Variants in NXN observed in about 807,000 individuals in gnomAD.
NXN encodes the protein nucleoredoxin, also known as nucleoredoxin 1.
Under a neutral mutation model 48.6 loss-of-function variants are expected in NXN, and 16 were observed. The ratio of observed to expected loss-of-function variants is 0.33; its 90% CI spans 0.22 to 0.50. NXN has a LOEUF of 0.50. Ranked by LOEUF, NXN falls within the 20% of genes least tolerant of loss-of-function variation. The probability of loss-of-function intolerance (pLI) is 0.98; values close to 1 mark genes in which losing one functional copy is unlikely to be tolerated. For missense variants in NXN, 492 were observed against 605.5 expected (o/e 0.81, Z 1.97); for synonymous variants, 281 against 269.6 (o/e 1.04, Z -0.41).
At chr17:860,719 G>A (rs2068032320) in intron 1 of NXN, among the ~76,000 whole-genome samples, 2 of 152,382 alleles carry the variant, frequency 1.3e-5, no homozygotes, top group Admixed American at 6.5e-5. Context: ...TTTGAACCTC[G>A]TAAACATTTT....
At chr17:966,285 CATT>C (rs2069302116) in intron 1 of NXN, among the ~76,000 whole-genome samples, 1 of 152,034 alleles carries the variant, frequency 6.6e-6, no homozygotes, top group Non-Finnish European at 1.5e-5. Flanking sequence ...TTTCTTAAAA[CATT>C]ATGAGATTTT....
intron 1 of NXN, among the ~76,000 whole-genome samples, chr17:874,312 G>T (rs770562129): frequency 3.9e-5 from 6 of 152,066 alleles, no homozygotes; most frequent in Non-Finnish European, 8.8e-5. Flanking sequence ...AGTCTCAGCC[G>T]GGCACGGTGG....
At chr17:861,704 A>G (rs538234539) in intron 1 of NXN, among the ~76,000 whole-genome samples, 44 of 152,094 alleles carry the variant, frequency 2.9e-4, no homozygotes, top group Non-Finnish European at 4.9e-4. Context: ...ACTCCTACTT[A>G]CCAAATTTGG....
At chr17:908,512 G>A (rs955206302) in intron 1 of NXN, among the ~76,000 whole-genome samples, 3 of 152,050 alleles carry the variant, frequency 2.0e-5, no homozygotes, top group African/African-American at 7.2e-5. Flanking sequence ...CTCCAGCCTG[G>A]GCAACAGAAC....
intron 1 of NXN, among the ~76,000 whole-genome samples, chr17:860,698 T>C (rs2068032166): frequency 6.6e-6 from 1 of 152,304 alleles, no homozygotes; most frequent in Non-Finnish European, 1.5e-5. Context: ...CCGGCCTGCA[T>C]AGTTTTGACT....
Position 806,271 on chromosome 17 carries a change from GCTCCC to G in NXN, c.821-1029_821-1025del, listed in dbSNP as rs1268543913. ...TGCAGCCCCCGCCGTCTGCACCCCAGCTCCCCCCTTCCCCAGGGCTGCAGCCCCCG... is the reference window on the plus strand; with the variant it reads ...TGCAGCCCCCGCCGTCTGCACCCCAGCCCTTCCCCAGGGCTGCAGCCCCCG... On this transcript the variant is annotated intron_variant, in intron 5 of 7. Transcript: ENST00000336868. Among the ~76,000 whole-genome samples the G allele has an allele frequency of 9.8e-4, 59 of 60,044 alleles. 3 individuals carry two copies. The highest frequency in any genetic ancestry group is 3.6e-3 in the African/African-American group (56 of 15,348). The allele number at this position is 60,044 out of a possible 152,430, so 39.4% of individuals were successfully genotyped here.
intron 1 of NXN, among the ~76,000 whole-genome samples, chr17:829,345 G>A (rs1256139335): frequency 2.0e-5 from 3 of 151,790 alleles, no homozygotes; most frequent in Non-Finnish European, 2.9e-5. Context: ...AGTAGAGATC[G>A]GGTTTCACCA....
At chr17:883,077 G>A (rs909268406) in intron 1 of NXN, among the ~76,000 whole-genome samples, 2 of 152,188 alleles carry the variant, frequency 1.3e-5, no homozygotes, top group African/African-American at 2.4e-5. Flanking sequence ...AAACTTGGCT[G>A]TGTGTAGTGG....
chr17:939,344 CTTT>C (rs34838555), intron 1 of NXN, among the ~76,000 whole-genome samples: 3 of 127,948 alleles, frequency 2.3e-5, no homozygotes, highest in Admixed American at 8.3e-5. Context: ...TAGAAATCAG[CTTT>C]TTTTTTTTTT....
At chr17:827,198 G>C (rs1405502633) in intron 1 of NXN, among the ~76,000 whole-genome samples, 3 of 152,170 alleles carry the variant, frequency 2.0e-5, no homozygotes, top group African/African-American at 7.2e-5. Context: ...ACAAAAATTA[G>C]CTGGGCGTGG....
chr17:957,226 C>T (rs2069180817), intron 1 of NXN, among the ~76,000 whole-genome samples: 1 of 151,962 alleles, frequency 6.6e-6, no homozygotes, highest in South Asian at 2.1e-4. Context: ...GTCACCACCC[C>T]CCTCCCCCAA....
At chr17:827,181 T>C (rs1913152662) in intron 1 of NXN, among the ~76,000 whole-genome samples, 1 of 151,984 alleles carries the variant, frequency 6.6e-6, no homozygotes, top group Non-Finnish European at 1.5e-5. Context: ...CCGTCTCTAC[T>C]TAAAATACAA....
intron 5 of NXN, chr17:819,138 G>T: frequency 2.6e-6 from 1 of 379,316 alleles, no homozygotes; most frequent in Non-Finnish European, 5.0e-6. Context: ...GTAGAGACCG[G>T]GTTTCACCGT....
intron 1 of NXN, among the ~76,000 whole-genome samples, chr17:897,170 C>G (rs549309165): frequency 3.9e-5 from 6 of 152,162 alleles, no homozygotes; most frequent in African/African-American, 1.2e-4. Context: ...CAGGCAAGTC[C>G]GAGCCAGGCT....
At chr17:807,672 G>A (rs762532144) in intron 5 of NXN, among the ~76,000 whole-genome samples, 3 of 152,372 alleles carry the variant, frequency 2.0e-5, no homozygotes, top group Middle Eastern at 3.4e-3. Context: ...GTTGGGCCGC[G>A]TGACTGTCTG....
intron 1 of NXN, among the ~76,000 whole-genome samples, chr17:901,487 A>G (rs1023004844): frequency 6.6e-6 from 1 of 151,968 alleles, no homozygotes; most frequent in African/African-American, 2.4e-5. Flanking sequence ...AGCTGCCCTG[A>G]CCTCTGCTTC....
At chr17:947,059 G>A in intron 1 of NXN, among the ~76,000 whole-genome samples, 1 of 152,138 alleles carries the variant, frequency 6.6e-6, no homozygotes, top group East Asian at 1.9e-4. Flanking sequence ...CAGCACTCAG[G>A]GCCCAGCACG....
rs1043637281 is a variant in NXN, at chr17:806,915, C to T, written c.821-1668G>A. Among the ~76,000 whole-genome samples the T allele has an allele frequency of 5.1e-5, 7 of 137,872 alleles. No homozygotes were observed. In the Admixed American group the frequency reaches 5.2e-4, roughly 10 times the overall value. The allele number at this position is 137,872 out of a possible 152,430, so 90.4% of individuals were successfully genotyped here. ...AACAGCCACTCCGACATCACACACA[C>T]TCACATACACACACACACACACACA... On this transcript the variant is annotated intron_variant, in intron 5 of 7. Transcript: ENST00000336868.
intron 1 of NXN, among the ~76,000 whole-genome samples, chr17:907,375 G>A (rs1178384428): frequency 6.7e-6 from 1 of 149,664 alleles, no homozygotes; most frequent in Non-Finnish European, 1.5e-5. Flanking sequence ...AGTCTCACTC[G>A]GTCACTCAAG....
Sources: allele counts gnomAD v4.1 joint callset (sites outside exome capture counted in the v4.1 genomes callset), GRCh38; gene constraint gnomAD v4.1.1; transcripts MANE v1.5; gene names NCBI Gene and HGNC (gene_info 2026-07-23, HGNC 2026-07-21).